ARAP2: variants seen among roughly 807,000 people sequenced by gnomAD.
ARAP2 encodes the protein arf-GAP with Rho-GAP domain, ANK repeat and PH domain-containing protein 2.
ARAP2 carries 148 observed loss-of-function variants against 194.5 expected under a neutral mutation model. The ratio of observed to expected loss-of-function variants is 0.76; its 90% CI spans 0.67 to 0.87. The LOEUF is 0.87. Among genes scored for constraint, ARAP2 ranks in the 40% least tolerant of loss-of-function variants. ARAP2 has a pLI of 0.00. For synonymous variants in ARAP2, 695 were observed against 683.5 expected, an observed-to-expected ratio of 1.02 and a Z score of -0.26; for missense variants, 2,128 against 1,989.7, an observed-to-expected ratio of 1.07 and a Z score of -1.32.
rs369245339 is a variant in ARAP2 at position 36,068,251 on chromosome 4, G to T, written c.4771C>A (p.Arg1591=). The T allele has an allele frequency of 3.2e-6, 5 of 1,567,316 alleles. No individual in the cohort carries two copies. Among genetic ancestry groups the T allele is most frequent in the Non-Finnish European group, 4.3e-6 (5 of 1,158,974 alleles). Residue 1591 remains arginine, a synonymous_variant, in exon 33 of 33, where the codon CGG becomes AGG. Transcript: ENST00000303965. ...ESARAELERL[R]LSEKCDKESV... ...TCTTTATCACACTTTTCACTGAGCC[G>T]CAGCCTTTCAAGTTCTGCTCTTGCA...
At chr4:36,142,231 C>T (rs1407830388) in intron 19 of ARAP2, among the ~76,000 whole-genome samples, 1 of 151,694 alleles carries the variant, frequency 6.6e-6, no homozygotes, top group African/African-American at 2.4e-5. Context: ...AATCATCCAT[C>T]AATTCTTCTT....
Position 36,121,171 on chromosome 4 carries a change from A to C in ARAP2, c.3894+8T>G. Reference sequence around the variant, plus strand: ...CATTTTAACAAGGGCAGGATACAAAATAATTACCTCAAATATTTCTACATA... The same window carrying C: ...CATTTTAACAAGGGCAGGATACAAACTAATTACCTCAAATATTTCTACATA... On this transcript the variant is annotated splice_region_variant and intron_variant, in intron 23 of 32. Coordinates refer to ENST00000303965, the MANE Select transcript of ARAP2 (RefSeq NM_015230.4). 4 of 1,576,754 alleles carry C rather than the reference A, an allele frequency of 2.5e-6. No individual in the cohort carries two copies. Among genetic ancestry groups the C allele is most frequent in the Non-Finnish European group, 3.5e-6 (4 of 1,157,748 alleles).
chr4:36,015,353 A>C (rs1029883519), intron 8 of ARAP2: 2 of 152,176 alleles, frequency 1.3e-5, no homozygotes, highest in African/African-American at 4.8e-5. Flanking sequence ...GCATCCCTAA[A>C]CTCAGTGCTT....
chr4:36,005,506 T>C (rs1351347951), intron 10 of ARAP2: 1 of 152,088 alleles, frequency 6.6e-6, no homozygotes, highest in African/African-American at 2.4e-5. Context: ...TCAGGTGGCT[T>C]TATAAGAAAT....
chr4:36,176,893 T>C, intron 9 of ARAP2, among the ~76,000 whole-genome samples: 1 of 152,098 alleles, frequency 6.6e-6, no homozygotes, highest in Non-Finnish European at 1.5e-5. Context: ...ATAGTCAGCA[T>C]TTATATTCCA....
At chr4:36,164,515 A>G (rs905811096) in intron 11 of ARAP2, among the ~76,000 whole-genome samples, 3 of 152,210 alleles carry the variant, frequency 2.0e-5, no homozygotes, top group African/African-American at 4.8e-5. Context: ...TGGCATATGA[A>G]GTTTAGTGCT....
chr4:36,046,732 C>T (rs1409985015), exon 4 of ARAP2: 1 of 152,060 alleles, frequency 6.6e-6, no homozygotes, highest in Non-Finnish European at 1.5e-5. Context: ...GAAGGCAGAA[C>T]AAGGAAACCA....
At chr4:36,209,623 C>A (rs555271825) in intron 6 of ARAP2, among the ~76,000 whole-genome samples, 1 of 152,124 alleles carries the variant, frequency 6.6e-6, no homozygotes, top group South Asian at 2.1e-4. Context: ...GGAGTGAAAA[C>A]CAGCACACTG....
intron 26 of ARAP2, among the ~76,000 whole-genome samples, chr4:36,110,112 C>A (rs967661501): frequency 6.6e-6 from 1 of 151,810 alleles, no homozygotes; most frequent in Non-Finnish European, 1.5e-5. Flanking sequence ...AGGTGAGGAA[C>A]AGAGATGTGC....
chr4:36,151,797 A>G (rs1731055076), intron 15 of ARAP2, among the ~76,000 whole-genome samples: 1 of 152,132 alleles, frequency 6.6e-6, no homozygotes, highest in Non-Finnish European at 1.5e-5. Context: ...TACATATGAT[A>G]CATATGTATG....
chr4:36,046,822 A>T (rs1038912142), exon 4 of ARAP2: 2 of 152,272 alleles, frequency 1.3e-5, no homozygotes, highest in African/African-American at 4.8e-5. Context: ...TCTCCAAAAC[A>T]GTGACAGTGA....
chr4:36,015,943 C>T (rs1227041486), exon 7 of ARAP2: 1 of 152,150 alleles, frequency 6.6e-6, no homozygotes, highest in Non-Finnish European at 1.5e-5. Flanking sequence ...AGCAATTCCG[C>T]TTCCATGGAA....
chr4:36,009,022 G>T (rs1713886273), intron 9 of ARAP2, among the ~76,000 whole-genome samples: 1 of 152,096 alleles, frequency 6.6e-6, no homozygotes. Context: ...AACAAGAATG[G>T]CTTTTGTTAA....
At chr4:36,216,902 T>C (rs1166270426) in intron 2 of ARAP2, among the ~76,000 whole-genome samples, 2 of 152,204 alleles carry the variant, frequency 1.3e-5, no homozygotes, top group Admixed American at 1.3e-4. Context: ...TCATGGAGTG[T>C]ACTTACATAA....
intron 5 of ARAP2, among the ~76,000 whole-genome samples, chr4:36,044,310 T>C (rs1305414320): frequency 2.6e-5 from 4 of 152,120 alleles, no homozygotes; most frequent in Non-Finnish European, 5.9e-5. Flanking sequence ...TTAGAGAAAC[T>C]TCAAGAGAAA....
intron 26 of ARAP2, among the ~76,000 whole-genome samples, chr4:36,108,236 G>A (rs1286627066): frequency 6.6e-6 from 1 of 151,816 alleles, no homozygotes; most frequent in African/African-American, 2.4e-5. Flanking sequence ...GGTTTGTTTA[G>A]GGAAACCTTC....
At position 36,083,367 on chromosome 4, in the gene ARAP2, C is replaced by T. The variant is rs568425133; in HGVS notation, c.4508+1G>A. ...TTCAGCACTTCCCTTTCAAACTTTA[C>T]CTTGTTGGAGGCTTCATTTTCTTTT... On this transcript the variant is annotated splice_donor_variant, in intron 29 of 32. Transcript: ENST00000303965. LOFTEE classifies it high-confidence loss of function. 1.3e-6 allele frequency: 2 copies of T among 1,596,624 alleles called. No homozygotes were observed. Among genetic ancestry groups the T allele is most frequent in the South Asian group, 2.3e-5 (2 of 87,906 alleles).
intron 11 of ARAP2, among the ~76,000 whole-genome samples, chr4:36,162,554 T>C (rs983305571): frequency 6.0e-5 from 9 of 151,154 alleles, no homozygotes; most frequent in Admixed American, 5.3e-4. Context: ...CTTTGTCTAA[T>C]GAACAACGAA....
intron 6 of ARAP2, among the ~76,000 whole-genome samples, chr4:36,204,411 T>A (rs1008004696): frequency 6.6e-6 from 1 of 152,154 alleles, no homozygotes; most frequent in African/African-American, 2.4e-5. Flanking sequence ...TCTGAAAACA[T>A]TGACTCCCTA....
Sources: allele counts gnomAD v4.1 joint callset (sites outside exome capture counted in the v4.1 genomes callset), GRCh38; gene constraint gnomAD v4.1.1; transcripts MANE v1.5; gene names NCBI Gene and HGNC (gene_info 2026-07-23, HGNC 2026-07-21).